RNF2: variants seen among roughly 807,000 people sequenced by gnomAD.
RNF2 encodes the protein ring finger protein 2.
RNF2 carries 6 observed loss-of-function variants against 37.2 expected under a neutral mutation model. That is an observed-to-expected ratio of 0.16 (90% CI 0.09 to 0.32). The LOEUF (loss-of-function observed/expected upper bound fraction) is 0.32, where lower values mean the gene tolerates loss of function less well. Ranked by LOEUF, RNF2 falls within the 10% of genes least tolerant of loss-of-function variation. RNF2 has a pLI of 1.00. For synonymous variants in RNF2, 133 were observed against 132.7 expected (o/e 1.00, Z -0.02); for missense variants, 251 against 404.0 (o/e 0.62, Z 3.25).
intron 2 of RNF2, among the ~76,000 whole-genome samples, chr1:185,088,530 TG>T (rs1384990630): frequency 4.1e-5 from 6 of 147,886 alleles, no homozygotes; most frequent in Non-Finnish European, 8.9e-5. Flanking sequence ...CACTCCAGCC[TG>T]GGCGACAAGA....
intron 1 of RNF2, among the ~76,000 whole-genome samples, chr1:185,079,943 G>A (rs10911675): frequency 0.31 from 46,664 of 151,192 alleles, 7,720 homozygotes; most frequent in African/African-American, 0.41. Context: ...AAAAAAAAAA[G>A]CCAATTGTGT....
intron 1 of RNF2, among the ~76,000 whole-genome samples, chr1:185,051,407 T>TA (rs1050190066): frequency 9.9e-5 from 15 of 151,774 alleles, no homozygotes; most frequent in South Asian, 2.1e-4. Flanking sequence ...TTTCTTTTGT[T>TA]AAAAAAAATA....
Position 185,093,182 on chromosome 1 carries a change from C to A in RNF2, c.370C>A (p.Gln124Lys). 6.2e-7 allele frequency: 1 copy of A among 1,614,038 alleles called. No homozygotes were observed. Among genetic ancestry groups the A allele is most frequent in the South Asian group, 1.1e-5 (1 of 91,076 alleles). The change falls in exon 4 of 7, where the codon CAA becomes AAA. Residue 124 changes from glutamine to lysine, a missense_variant. By Grantham distance (53) the Gln-to-Lys change is moderately conservative. Around this residue, in one of 7 missense-constraint regions of RNF2, gnomAD observed 33 missense variants for 46.8 expected, o/e 0.71. Coordinates refer to ENST00000367510, the MANE Select transcript of RNF2 (RefSeq NM_007212.4). ...YPSRDEYEAH[Q>K]ERVLARINKH... is the part of the protein sequence containing the mutation. ...AAGTCGTGATGAGTATGAAGCTCATCAAGAGAGAGTATTAGCCAGGATCAA... is the reference window on the plus strand; with the variant it reads ...AAGTCGTGATGAGTATGAAGCTCATAAAGAGAGAGTATTAGCCAGGATCAA...
intron 2 of RNF2, among the ~76,000 whole-genome samples, chr1:185,090,257 TC>T (rs926769485): frequency 4.0e-5 from 6 of 151,862 alleles, no homozygotes. Flanking sequence ...AAGGTGGTTT[TC>T]CCTTTTTCTT....
chr1:185,054,644 T>C (rs962677997), intron 1 of RNF2, among the ~76,000 whole-genome samples: 1 of 152,182 alleles, frequency 6.6e-6, no homozygotes, highest in Non-Finnish European at 1.5e-5. Flanking sequence ...TCTTTCAAGA[T>C]TGACATGTCG....
chr1:185,062,441 C>T (rs896011770), intron 1 of RNF2, among the ~76,000 whole-genome samples: 1 of 151,858 alleles, frequency 6.6e-6, no homozygotes, highest in Non-Finnish European at 1.5e-5. Flanking sequence ...TAGAAGATAG[C>T]ATGCTAACTT....
intron 1 of RNF2, among the ~76,000 whole-genome samples, chr1:185,077,404 T>TA (rs1240376698): frequency 6.6e-6 from 1 of 152,144 alleles, no homozygotes; most frequent in East Asian, 1.9e-4. Context: ...CTGACTTTTT[T>TA]AACAGGAATG....
At chr1:185,075,730 C>T (rs1337727604) in intron 1 of RNF2, among the ~76,000 whole-genome samples, 2 of 151,960 alleles carry the variant, frequency 1.3e-5, no homozygotes, top group Non-Finnish European at 1.5e-5. Context: ...CTCATTAACA[C>T]GAGAACAGCA....
intron 2 of RNF2, among the ~76,000 whole-genome samples, chr1:185,090,817 C>T (rs1468602161): frequency 6.6e-6 from 1 of 152,184 alleles, no homozygotes; most frequent in East Asian, 1.9e-4. Flanking sequence ...AAGTAGGATT[C>T]ACTAATCATT....
intron 3 of RNF2, chr1:185,091,978 C>A (rs1225611893): frequency 3.1e-6 from 1 of 325,242 alleles, no homozygotes. Context: ...CCGTGGCCGG[C>A]TAGTTTTTTT....
chr1:185,059,779 T>G (rs1483629588), intron 1 of RNF2, among the ~76,000 whole-genome samples: 1 of 152,232 alleles, frequency 6.6e-6, no homozygotes, highest in Non-Finnish European at 1.5e-5. Flanking sequence ...ACAAAGAATA[T>G]GAAAATTATA....
chr1:185,096,893 T>C (rs1651928298), intron 4 of RNF2, among the ~76,000 whole-genome samples: 1 of 151,960 alleles, frequency 6.6e-6, no homozygotes, highest in South Asian at 2.1e-4. Context: ...ACCATTGGAC[T>C]GTTATTTCTT....
intron 2 of RNF2, among the ~76,000 whole-genome samples, chr1:185,090,282 C>G (rs1402556906): frequency 6.6e-6 from 1 of 152,124 alleles, no homozygotes; most frequent in Non-Finnish European, 1.5e-5. Context: ...CCCTACAGTG[C>G]TACACATCTG....
intron 1 of RNF2, among the ~76,000 whole-genome samples, chr1:185,052,902 C>T (rs1167504693): frequency 6.6e-6 from 1 of 152,186 alleles, no homozygotes; most frequent in African/African-American, 2.4e-5. Flanking sequence ...GATGGCTGTA[C>T]TACAGCTACA....
Position 185,101,832 on chromosome 1 carries a change from G to GTTTTTTTTTTT in RNF2, c.*1543_*1553dup, listed in dbSNP as rs768356678. On this transcript the variant is annotated 3_prime_UTR_variant, in exon 7 of 7. Transcript: ENST00000367510. ...AATATTTAAAATCTGTTTTTACAGGGTTTTTTTTTTTTTTTTTTTTTTGTA... is the reference window on the plus strand; with the variant it reads ...AATATTTAAAATCTGTTTTTACAGGGTTTTTTTTTTTTTTTTTTTTTTTTTTTTTTTTTGTA... 7.4e-4 allele frequency: 72 copies of GTTTTTTTTTTT among 97,872 alleles called. No homozygotes were observed. The highest frequency in any genetic ancestry group is 1.7e-3 in the African/African-American group (41 of 24,664). 6.1% of individuals were successfully genotyped at this position (97,872 alleles called of 1,614,324 possible).
chr1:185,075,169 T>G (rs982717816), intron 1 of RNF2, among the ~76,000 whole-genome samples: 1 of 152,132 alleles, frequency 6.6e-6, no homozygotes, highest in Non-Finnish European at 1.5e-5. Flanking sequence ...AATTTTTTTA[T>G]TTTTAGTAGA....
intron 4 of RNF2, among the ~76,000 whole-genome samples, chr1:185,096,814 C>T (rs1292124445): frequency 6.9e-6 from 1 of 145,506 alleles, no homozygotes; most frequent in Non-Finnish European, 1.5e-5. Context: ...TTGCAATGAT[C>T]TATGAATTTT....
intron 1 of RNF2, among the ~76,000 whole-genome samples, chr1:185,047,516 TTTATA>T (rs1650153764): frequency 6.6e-6 from 1 of 152,234 alleles, no homozygotes; most frequent in Non-Finnish European, 1.5e-5. Flanking sequence ...ATGATTTGTG[TTTATA>T]TTATGCAGAC....
intron 1 of RNF2, among the ~76,000 whole-genome samples, chr1:185,070,662 C>T (rs558510201): frequency 2.1e-5 from 3 of 145,360 alleles, no homozygotes; most frequent in South Asian, 4.4e-4. Flanking sequence ...TTTTTGAGAC[C>T]GAGTCTTGCT....
Sources: allele counts gnomAD v4.1 joint callset (sites outside exome capture counted in the v4.1 genomes callset), GRCh38; gene constraint gnomAD v4.1.1; regional missense constraint gnomAD v4.1.1; transcripts MANE v1.5; gene names NCBI Gene and HGNC (gene_info 2026-07-23, HGNC 2026-07-21).